The following TECRL variants were observed in gnomAD, a reference collection of about 807,000 sequenced individuals.
TECRL encodes the protein trans-2,3-enoyl-CoA reductase-like.
TECRL carries 63 observed loss-of-function variants against 52.8 expected under a neutral mutation model. The ratio of observed to expected loss-of-function variants is 1.19; its 90% CI spans 0.97 to 1.47. The LOEUF is 1.47. Ranked by LOEUF, TECRL falls within the 40% of genes most tolerant of loss-of-function variation. TECRL has a pLI of 0.00. For missense variants in TECRL, 482 were observed against 429.6 expected (o/e 1.12, Z -1.08); for synonymous variants, 164 against 141.9 (o/e 1.16, Z -1.10).
chr4:64,320,603 G>A (rs550882802), intron 4 of TECRL, among the ~76,000 whole-genome samples: 1 of 151,974 alleles, frequency 6.6e-6, no homozygotes, highest in Non-Finnish European at 1.5e-5. Flanking sequence ...CCACTATAGT[G>A]TGTTTTCTTC....
intron 4 of TECRL, among the ~76,000 whole-genome samples, chr4:64,317,638 T>C (rs77395037): frequency 0.014 from 2,172 of 152,320 alleles, 65 homozygotes; most frequent in African/African-American, 0.049. Context: ...TTGAAGTTAG[T>C]ATCCTGCTAG....
rs147297120 is a variant in TECRL at position 64,341,645 on chromosome 4, G to A, written c.287-13089C>T. Among the ~76,000 whole-genome samples the A allele has an allele frequency of 6.3e-3, 965 of 152,210 alleles. 7 individuals carry two copies. The highest frequency in any genetic ancestry group is 0.022 in the African/African-American group (912 of 41,548). On this transcript the variant is annotated intron_variant, in intron 2 of 11. Transcript: ENST00000381210. ...CTAAAACATCCCCCTTGCTTGCCAC[G>A]TTGCAGGTGAAGAGAAGGAGAGAAA...
intron 8 of TECRL, among the ~76,000 whole-genome samples, chr4:64,299,685 G>T (rs1723892569): frequency 6.6e-6 from 1 of 150,792 alleles, no homozygotes; most frequent in African/African-American, 2.4e-5. Flanking sequence ...TTATAGGTTG[G>T]TAAATGTGCA....
Position 64,319,352 on chromosome 4 carries a change from T to C in TECRL, c.435+3337A>G, listed in dbSNP as rs144994268. 3.3e-3 allele frequency among the ~76,000 whole-genome samples: 496 copies of C among 151,900 alleles called. 2 individuals are homozygous for C. The highest frequency in any genetic ancestry group is 0.012 in the African/African-American group (479 of 41,546). On this transcript the variant is annotated intron_variant, in intron 4 of 11. Transcript: ENST00000381210. ...GTAAAACATAAAACTACTAAACTCA[T>C]AAGAAAATGCAGGAGAGAACTCCAG...
At chr4:64,393,993 G>T (rs573430972) in intron 1 of TECRL, among the ~76,000 whole-genome samples, 44 of 152,084 alleles carry the variant, frequency 2.9e-4, no homozygotes, top group African/African-American at 9.6e-4. Flanking sequence ...CTTTTTTGGA[G>T]TAAGAAAATT....
At chr4:64,307,207 G>A (rs1724390715) in intron 6 of TECRL, among the ~76,000 whole-genome samples, 1 of 152,084 alleles carries the variant, frequency 6.6e-6, no homozygotes, top group Non-Finnish European at 1.5e-5. Flanking sequence ...AAAGATTTAA[G>A]GACACCCCCC....
chr4:64,305,525 A>G (rs1577838285), intron 6 of TECRL, among the ~76,000 whole-genome samples: 1 of 152,264 alleles, frequency 6.6e-6, no homozygotes, highest in Non-Finnish European at 1.5e-5. Context: ...CTGTGCCTGC[A>G]CTGCCCCTGT....
At chr4:64,373,593 A>G (rs1722131737) in intron 2 of TECRL, among the ~76,000 whole-genome samples, 1 of 151,756 alleles carries the variant, frequency 6.6e-6, no homozygotes, top group African/African-American at 2.4e-5. Context: ...GTGACTGCAC[A>G]TTCTTTTACA....
rs1346862189 is a variant in TECRL, at chr4:64,374,038, G to GTATATAGTAGATACATATATATA, written c.286+1111_286+1133dup. ...ATATAGTAGATACATATATATATAT[G>GTATATAGTAGATACATATATATA]TATATAGTAGATACATATATATATA... On this transcript the variant is annotated intron_variant, in intron 2 of 11. Transcript: ENST00000381210. Among the ~76,000 whole-genome samples, 249 of 94,126 alleles carry GTATATAGTAGATACATATATATA rather than the reference G, an allele frequency of 2.6e-3. 7 individuals carry two copies. Among genetic ancestry groups the GTATATAGTAGATACATATATATA allele is most frequent in the African/African-American group, 7.5e-3 (169 of 22,416 alleles). The allele number at this position is 94,126 out of a possible 152,430, so 61.8% of individuals were successfully genotyped here. A position where few individuals can be genotyped will look rare whatever the true frequency, so the allele number is the denominator to read the frequency against.
At chr4:64,328,322 T>C (rs537589376) in intron 3 of TECRL, among the ~76,000 whole-genome samples, 190 bp downstream of exon 3, 33 of 152,068 alleles carry the variant, frequency 2.2e-4, no homozygotes, top group Non-Finnish European at 4.1e-4. Context: ...TCACAGACAG[T>C]GAATATGTAA....
chr4:64,394,277 G>T (rs1723765244), intron 1 of TECRL, among the ~76,000 whole-genome samples: 1 of 152,116 alleles, frequency 6.6e-6, no homozygotes, highest in Non-Finnish European at 1.5e-5. Context: ...CGTAGCCTAT[G>T]CTCCTTATGG....
intron 1 of TECRL, among the ~76,000 whole-genome samples, chr4:64,403,035 A>T (rs2109785967): frequency 7.4e-6 from 1 of 135,212 alleles, no homozygotes; most frequent in African/African-American, 2.6e-5. Context: ...CTTTTTACTT[A>T]AATTATCTTG....
chr4:64,389,238 C>T (rs557044576), intron 1 of TECRL, among the ~76,000 whole-genome samples: 28 of 151,998 alleles, frequency 1.8e-4, no homozygotes, highest in African/African-American at 5.5e-4. Flanking sequence ...TTAAAAATGA[C>T]GTGACCTGTA....
In TECRL at chr4:64,350,648, T is replaced by C. The variant is rs1286191101; in HGVS notation, c.287-22092A>G. Among the ~76,000 whole-genome samples, 5 of 152,236 alleles carry C rather than the reference T, an allele frequency of 3.3e-5. No individual in the cohort carries two copies. The East Asian group carries it at 9.7e-4, about 30-fold the overall frequency. On this transcript the variant is annotated intron_variant, in intron 2 of 11. Transcript: ENST00000381210. ...ATGTGGTGGAGCCATATCCAATTAA[T>C]TGAAAGCCTCACTTGATAAAGACTG... is the stretch of plus-strand genomic sequence containing the variant.
chr4:64,315,776 AG>A (rs1358213018), intron 4 of TECRL, among the ~76,000 whole-genome samples: 1 of 152,126 alleles, frequency 6.6e-6, no homozygotes. Flanking sequence ...TGTAATTAAA[AG>A]TTTTATATAC....
At chr4:64,388,142 G>GT (rs1361860273) in intron 1 of TECRL, among the ~76,000 whole-genome samples, 1 of 145,518 alleles carries the variant, frequency 6.9e-6, no homozygotes, top group Non-Finnish European at 1.5e-5. Context: ...TAGTTTTAGT[G>GT]TAGTTTATAG....
At position 64,325,344 on chromosome 4, in the gene TECRL, T is replaced by A. The variant is rs535297929; in HGVS notation, c.332-2552A>T. ...GAATTAAATTTATGTTTGAGTGCTATTTCTTTGGAGCACCAGGGAACAAGC... is the reference window on the plus strand; with the variant it reads ...GAATTAAATTTATGTTTGAGTGCTAATTCTTTGGAGCACCAGGGAACAAGC... On this transcript the variant is annotated intron_variant, in intron 3 of 11. Transcript: ENST00000381210. Among the ~76,000 whole-genome samples, 3 of 152,316 alleles carry A rather than the reference T, an allele frequency of 2.0e-5. No individual in the cohort carries two copies. In the East Asian group the frequency reaches 5.8e-4, roughly 29 times the overall value.
Position 64,305,231 on chromosome 4 carries a change from G to A in TECRL, c.665C>T (p.Ala222Val). The A allele has an allele frequency of 6.2e-7, 1 of 1,612,384 alleles. No individual in the cohort carries two copies. Among genetic ancestry groups the A allele is most frequent in the South Asian group, 1.1e-5 (1 of 91,004 alleles). The change falls in exon 7 of 12, where the codon GCC becomes GTC. Residue 222 changes from alanine to valine, a missense_variant. By Grantham distance (64) the Ala-to-Val change is moderately conservative (BLOSUM62 0). Coordinates refer to ENST00000381210, the MANE Select transcript of TECRL (RefSeq NM_001010874.5). The stretch of plus-strand genomic sequence containing the variant: ...CCAAGAAGTAAATCCCCAGTAAAAG[G>A]CACAACTCTGCAAACAAAACAAAAC... The part of the protein sequence containing the change: ...TPLKNLIMSC[A>V]FYWGFTSWIA...
At chr4:64,361,495 T>A (rs1265932983) in intron 2 of TECRL, among the ~76,000 whole-genome samples, 1 of 152,160 alleles carries the variant, frequency 6.6e-6, no homozygotes, top group Non-Finnish European at 1.5e-5. Context: ...GGGAACATCT[T>A]GGACCCTCCA....
Sources: allele counts gnomAD v4.1 joint callset (sites outside exome capture counted in the v4.1 genomes callset), GRCh38; gene constraint gnomAD v4.1.1; transcripts MANE v1.5; gene names NCBI Gene and HGNC (gene_info 2026-07-23, HGNC 2026-07-21).